Variants in WNT3A observed in about 807,000 individuals in gnomAD.
WNT3A encodes protein Wnt-3a.
In WNT3A, 17 loss-of-function variants were observed where a neutral mutation model predicts 37.0. The observed-to-expected ratio is 0.46, with a 90% confidence interval of 0.31 to 0.69. WNT3A has a LOEUF of 0.69. Ranked by LOEUF, WNT3A falls within the 30% of genes least tolerant of loss-of-function variation. The pLI, the probability that WNT3A is intolerant of heterozygous loss-of-function variation, is 0.05. For missense variants in WNT3A, 411 were observed against 510.2 expected, an observed-to-expected ratio of 0.81 and a Z score of 1.87; for synonymous variants, 187 against 211.0, an observed-to-expected ratio of 0.89 and a Z score of 0.99.
At chr1:228,049,210 G>GAGGA (rs1336453781) in intron 2 of WNT3A, among the ~76,000 whole-genome samples, 1 of 152,188 alleles carries the variant, frequency 6.6e-6, no homozygotes, top group Non-Finnish European at 1.5e-5. Context: ...GCTTGGGGTG[G>GAGGA]AGGAAGGCAA....
chr1:228,056,673 A>C (rs1266087513), intron 3 of WNT3A, among the ~76,000 whole-genome samples: 2 of 152,210 alleles, frequency 1.3e-5, no homozygotes, highest in Non-Finnish European at 2.9e-5. Flanking sequence ...GTTGCAGACC[A>C]AACAGGCCAC....
In WNT3A at chr1:228,059,879, T is replaced by A. The variant is rs2031765315; in HGVS notation, c.*414T>A. On this transcript the variant is annotated 3_prime_UTR_variant, in exon 4 of 4. Coordinates refer to ENST00000284523, the MANE Select transcript of WNT3A (RefSeq NM_033131.4). ...GCGGGGCACTAGGTAGGCTTCTACC[T>A]GCAGGCGGGGCTCCTCCTGAAGGAG... 2 of 1,050,886 alleles carry A rather than the reference T, an allele frequency of 1.9e-6. No homozygotes were observed. Among genetic ancestry groups the A allele is most frequent in the Non-Finnish European group, 2.3e-6 (2 of 870,820 alleles). The allele number at this position is 1,050,886 out of a possible 1,614,324, so 65.1% of individuals were successfully genotyped here. A position where few individuals can be genotyped will look rare whatever the true frequency, so the allele number is the denominator to read the frequency against.
intron 2 of WNT3A, among the ~76,000 whole-genome samples, chr1:228,049,370 G>T (rs2102778871): frequency 6.6e-6 from 1 of 152,338 alleles, no homozygotes; most frequent in Admixed American, 6.5e-5. Flanking sequence ...GAGATCCTTT[G>T]TGCTATTTTT....
chr1:228,008,687 G>A lies in WNT3A; in HGVS notation c.71+1488G>A, dbSNP rs1210637573. On this transcript the variant is annotated intron_variant, in intron 1 of 3. Transcript: ENST00000284523. The surrounding 1 kb of genome is among the most constrained non-coding windows in gnomAD (Gnocchi z 4.9). ...CAGCGCGTCCGTCCGAGAGAGCCCC[G>A]AGGGCTGCCGGCTTACGCACCAGGC... Among the ~76,000 whole-genome samples, 1 of 152,180 alleles carries A rather than the reference G, an allele frequency of 6.6e-6. No homozygotes were observed. The highest frequency in any genetic ancestry group is 1.5e-5 in the Non-Finnish European group (1 of 68,016).
At chr1:228,036,411 A>G (rs530589551) in intron 2 of WNT3A, among the ~76,000 whole-genome samples, 1 of 152,192 alleles carries the variant, frequency 6.6e-6, no homozygotes, top group South Asian at 2.1e-4. Flanking sequence ...GTGTGAACAT[A>G]TGAAGGAAGA....
chr1:228,041,969 G>A (rs1296002557), intron 2 of WNT3A, among the ~76,000 whole-genome samples: 1 of 152,144 alleles, frequency 6.6e-6, no homozygotes, highest in Non-Finnish European at 1.5e-5. Context: ...TTGAGCAGCA[G>A]TCCACTTTCT....
intron 3 of WNT3A, 117 bp from the exon 4 acceptor site, chr1:228,058,869 C>G (rs954012927): frequency 3.8e-6 from 4 of 1,065,052 alleles, no homozygotes; most frequent in Non-Finnish European, 4.0e-6. Context: ...GGGAGTCTGC[C>G]CCCTCTGCCC....
chr1:228,010,618 G>C (rs915959637), intron 1 of WNT3A, among the ~76,000 whole-genome samples: 1 of 152,164 alleles, frequency 6.6e-6, no homozygotes, highest in Non-Finnish European at 1.5e-5. Flanking sequence ...CCTTCTGCCC[G>C]GCCGTCACCA....
chr1:228,049,655 C>T (rs1243941209), intron 2 of WNT3A, among the ~76,000 whole-genome samples: 2 of 152,186 alleles, frequency 1.3e-5, no homozygotes, highest in Non-Finnish European at 2.9e-5. Flanking sequence ...TCCTTGCCAA[C>T]ACTTGCTACT....
chr1:228,018,627 AG>A (rs1320065963), intron 1 of WNT3A, among the ~76,000 whole-genome samples: 1 of 152,100 alleles, frequency 6.6e-6, no homozygotes, highest in African/African-American at 2.4e-5. Flanking sequence ...CCTGGCCTCA[AG>A]CAATCCACCT....
chr1:228,010,222 G>A (rs1405579615), intron 1 of WNT3A, among the ~76,000 whole-genome samples: 2 of 152,292 alleles, frequency 1.3e-5, no homozygotes, highest in African/African-American at 2.4e-5. Flanking sequence ...AGGCACACCC[G>A]CACTCCAGGG....
intron 3 of WNT3A, among the ~76,000 whole-genome samples, chr1:228,058,128 T>C (rs2031717346): frequency 6.6e-6 from 1 of 152,226 alleles, no homozygotes; most frequent in South Asian, 2.1e-4. Context: ...CCAAATTTGA[T>C]TTAACTCAGG....
At position 228,060,344 on chromosome 1, in the gene WNT3A, G is replaced by A; in HGVS notation, c.*879G>A. ...CCAACCCGTGCCCCTGGGATCCGAG[G>A]GCCCCTCTCCAAGCGCCTGGCTTTG... On this transcript the variant is annotated 3_prime_UTR_variant, in exon 4 of 4. Coordinates refer to ENST00000284523, the MANE Select transcript of WNT3A (RefSeq NM_033131.4). 1 of 1,324,316 alleles carries A rather than the reference G, an allele frequency of 7.6e-7. No homozygotes were observed. Among genetic ancestry groups the A allele is most frequent in the Non-Finnish European group, 1.0e-6 (1 of 997,928 alleles). The allele number at this position is 1,324,316 out of a possible 1,614,324, so 82.0% of individuals were successfully genotyped here.
At chr1:228,052,336 G>A (rs978485770) in intron 3 of WNT3A, among the ~76,000 whole-genome samples, 2 of 152,154 alleles carry the variant, frequency 1.3e-5, no homozygotes, top group Non-Finnish European at 2.9e-5. Flanking sequence ...TGGAGATAGG[G>A]TTTCACCATG....
chr1:228,059,244 T>C lies in WNT3A; in HGVS notation c.838T>C (p.Phe280Leu), dbSNP rs2124821723. 1.2e-6 allele frequency: 2 copies of C among 1,609,270 alleles called. No homozygotes were observed. Among genetic ancestry groups the C allele is most frequent in the Middle Eastern group, 3.3e-4 (2 of 6,044 alleles). Reference sequence around the variant, plus strand: ...GGTCTACTACGAGGCCTCGCCCAACTTCTGCGAGCCCAACCCTGAGACGGG... The same window carrying C: ...GGTCTACTACGAGGCCTCGCCCAACCTCTGCGAGCCCAACCCTGAGACGGG... ...DLVYYEASPN[F>L]CEPNPETGSF... is the part of the protein sequence containing the mutation. The change falls in exon 4 of 4, where the codon TTC (phenylalanine) becomes CTC (leucine). Residue 280 changes from phenylalanine to leucine, a missense_variant. Coordinates refer to ENST00000284523, the MANE Select transcript of WNT3A (RefSeq NM_033131.4).
chr1:228,035,715 G>C (rs569665926), intron 2 of WNT3A, among the ~76,000 whole-genome samples: 2 of 152,184 alleles, frequency 1.3e-5, no homozygotes, highest in African/African-American at 4.8e-5. Flanking sequence ...GCGTTGGGTT[G>C]GGGCGGGGAG....
At chr1:228,051,774 A>G (rs937716758) in intron 3 of WNT3A, among the ~76,000 whole-genome samples, 1 of 152,208 alleles carries the variant, frequency 6.6e-6, no homozygotes, top group Non-Finnish European at 1.5e-5. Flanking sequence ...TGGTAACAGC[A>G]TCTGCTCAGC....
rs746487405 is a variant in WNT3A, at chr1:228,060,195, T to C, written c.*730T>C. 7.4e-7 allele frequency: 1 copy of C among 1,351,740 alleles called. No individual in the cohort carries two copies. Among genetic ancestry groups the C allele is most frequent in the Non-Finnish European group, 9.8e-7 (1 of 1,021,494 alleles). 83.7% of individuals were successfully genotyped at this position (1,351,740 alleles called of 1,614,324 possible). A position where few individuals can be genotyped will look rare whatever the true frequency, so the allele number is the denominator to read the frequency against. On this transcript the variant is annotated 3_prime_UTR_variant, in exon 4 of 4. Transcript: ENST00000284523. ...CCGCCCTCCTGATTAAGGCGTGGCT[T>C]CTGCAGGAATCCCGGCTCCAGAGCA...
chr1:228,054,079 C>G (rs901623861), intron 3 of WNT3A, among the ~76,000 whole-genome samples: 15 of 152,138 alleles, frequency 9.9e-5, no homozygotes, highest in Non-Finnish European at 2.2e-4. Flanking sequence ...CTAAGGGGCC[C>G]ACCAAGGGTG....
Sources: gnomAD v4.1 joint callset for allele counts (sites outside exome capture counted in the v4.1 genomes callset) on GRCh38, gnomAD v4.1.1 for gene constraint, Gnocchi (gnomAD v3.1) non-coding constraint, MANE v1.5 for transcripts, NCBI Gene and HGNC (gene_info 2026-07-23, HGNC 2026-07-21) for gene names.